CDH9: variants seen among roughly 807,000 people sequenced by gnomAD.
The protein encoded by CDH9 is cadherin 9.
A neutral mutation model predicts 70.9 loss-of-function variants in CDH9; 28 were observed. That is an observed-to-expected ratio of 0.40 (90% CI 0.29 to 0.54). The LOEUF is 0.54. Ranked by LOEUF, CDH9 falls within the 20% of genes least tolerant of loss-of-function variation. The pLI is 0.59. For missense variants in CDH9, 874 were observed against 984.4 expected, an observed-to-expected ratio of 0.89 and a Z score of 1.50; for synonymous variants, 409 against 343.1, an observed-to-expected ratio of 1.19 and a Z score of -2.12.
chr5:27,013,573 T>C (rs1455742249), intron 1 of CDH9, among the ~76,000 whole-genome samples: 2 of 151,898 alleles, frequency 1.3e-5, no homozygotes, highest in Admixed American at 6.6e-5. Flanking sequence ...AGCTTCTCCA[T>C]GATCGTGCCA....
chr5:26,881,287 T>C lies in CDH9; in HGVS notation c.2219A>G (p.Tyr740Cys), dbSNP rs1320968105. The change falls in exon 12 of 12, where the codon TAT (tyrosine) becomes TGT (cysteine). Residue 740 changes from tyrosine (Y) to cysteine (C), a missense_variant. By Grantham distance (194) the Tyr-to-Cys change is radical. Coordinates refer to ENST00000231021, the MANE Select transcript of CDH9 (RefSeq NM_016279.4). Reference protein sequence around the residue: ...PPYDSLATYAYEGNDSIADSL... With the variant: ...PPYDSLATYACEGNDSIADSL... ...ATCTGCTATGGAATCATTCCCTTCA[T>C]AGGCATACGTTGCCAGCGAATCATA... 6.2e-7 allele frequency: 1 copy of C among 1,613,266 alleles called. No homozygotes were observed. Among genetic ancestry groups the C allele is most frequent in the Non-Finnish European group, 8.5e-7 (1 of 1,179,456 alleles).
rs537617066 is a variant in CDH9, at chr5:27,004,975, C to A, written c.-49-16593G>T. 1.8e-4 allele frequency among the ~76,000 whole-genome samples: 27 copies of A among 151,894 alleles called. No individual in the cohort carries two copies. The East Asian group carries it at 4.3e-3, about 24-fold the overall frequency. On this transcript the variant is annotated intron_variant, in intron 1 of 11. Transcript: ENST00000231021. ...CAATTTCAGTATCAATGGAGAGCAA[C>A]AAAATGCAAATGTTAAAATTGAAGT... is the stretch of plus-strand genomic sequence containing the variant.
intron 2 of CDH9, among the ~76,000 whole-genome samples, chr5:26,927,421 CATCCAATGCGGATGCCATTATA>C (rs1454985269): frequency 6.6e-6 from 1 of 151,950 alleles, no homozygotes; most frequent in Non-Finnish European, 1.5e-5. Context: ...ACATAAATGG[CATCCAATGCGGATGCCATTATA>C]ATTAGGATAG....
At chr5:26,893,032 C>T (rs1409052333) in intron 7 of CDH9, among the ~76,000 whole-genome samples, 1 of 152,134 alleles carries the variant, frequency 6.6e-6, no homozygotes. Flanking sequence ...CACACCCTGC[C>T]AGTATTGGCA....
chr5:26,972,110 G>A (rs1016293794), intron 2 of CDH9, among the ~76,000 whole-genome samples: 2 of 152,134 alleles, frequency 1.3e-5, no homozygotes, highest in African/African-American at 4.8e-5. Flanking sequence ...AATCTTTGAG[G>A]AGGATAACAT....
intron 2 of CDH9, among the ~76,000 whole-genome samples, chr5:26,918,625 C>A (rs1020486968): frequency 2.0e-5 from 3 of 152,180 alleles, no homozygotes; most frequent in Non-Finnish European, 4.4e-5. Flanking sequence ...TTGCACACCT[C>A]AGTATGGGTG....
At chr5:27,036,073 A>G (rs989170506) in intron 1 of CDH9, among the ~76,000 whole-genome samples, 16 of 151,850 alleles carry the variant, frequency 1.1e-4, no homozygotes, top group Non-Finnish European at 1.6e-4. Flanking sequence ...TATAATTTGT[A>G]AGCACTCTCT....
At chr5:27,010,584 G>A (rs1381338227) in intron 1 of CDH9, among the ~76,000 whole-genome samples, 3 of 152,052 alleles carry the variant, frequency 2.0e-5, no homozygotes, top group Non-Finnish European at 4.4e-5. Flanking sequence ...CATTTTGCCC[G>A]AAAATCCTAC....
intron 1 of CDH9, among the ~76,000 whole-genome samples, chr5:27,036,800 A>G (rs1157237013): frequency 6.6e-6 from 1 of 151,898 alleles, no homozygotes; most frequent in East Asian, 1.9e-4. Context: ...TATTAAGTGC[A>G]TATAATTATT....
In CDH9 at chr5:27,035,022, CTCTA is replaced by C. The variant is rs529739473; in HGVS notation, c.-50+3437_-50+3440del. ...TCATTGTTTTCAATAATCTATACAA[CTCTA>C]TCTATCTATCTATCTAATCTATCAT... On this transcript the variant is annotated intron_variant, in intron 1 of 11. Coordinates refer to ENST00000231021, the MANE Select transcript of CDH9 (RefSeq NM_016279.4). 2.7e-3 allele frequency among the ~76,000 whole-genome samples: 407 copies of C among 151,190 alleles called. 2 individuals are homozygous for C. Among genetic ancestry groups the C allele is most frequent in the Middle Eastern group, 0.01 (3 of 292 alleles).
intron 1 of CDH9, among the ~76,000 whole-genome samples, chr5:26,992,908 C>T (rs1191725563): frequency 6.6e-6 from 1 of 151,976 alleles, no homozygotes; most frequent in Non-Finnish European, 1.5e-5. Context: ...ACCAGCCTGA[C>T]CAACATGGAG....
chr5:27,002,763 C>T (rs1300526924), intron 1 of CDH9, among the ~76,000 whole-genome samples: 43 of 151,728 alleles, frequency 2.8e-4, no homozygotes, highest in Admixed American at 2.4e-3. Context: ...CATACCAGGG[C>T]CTGTCGTGGG....
At chr5:27,037,543 A>G (rs1743416272) in intron 1 of CDH9, among the ~76,000 whole-genome samples, 1 of 151,974 alleles carries the variant, frequency 6.6e-6, no homozygotes, top group African/African-American at 2.4e-5. Flanking sequence ...AATACTAAAG[A>G]ATTTTGATGA....
intron 1 of CDH9, among the ~76,000 whole-genome samples, chr5:26,989,107 A>G (rs933571915): frequency 6.6e-6 from 1 of 152,100 alleles, no homozygotes; most frequent in African/African-American, 2.4e-5. Context: ...TAAGAAAAAA[A>G]TAGCATTGAA....
chr5:26,891,506 C>T (rs1740659497), intron 7 of CDH9, among the ~76,000 whole-genome samples: 1 of 151,984 alleles, frequency 6.6e-6, no homozygotes, highest in Middle Eastern at 3.4e-3. Flanking sequence ...GGTGAAACCC[C>T]GTCTCTACTA....
rs145162820 is a variant in CDH9 at position 26,895,402 on chromosome 5, T to C, written c.1254-4838A>G. Among the ~76,000 whole-genome samples the C allele has an allele frequency of 5.6e-4, 85 of 152,158 alleles. 1 individual carries two copies. Among genetic ancestry groups the C allele is most frequent in the African/African-American group, 2.0e-3 (83 of 41,570 alleles). The stretch of plus-strand genomic sequence containing the variant: ...AGCAAATATGAGAGAAGCACCACTA[T>C]ACAGGAATGCACTTACACATTTATT... On this transcript the variant is annotated intron_variant, in intron 7 of 11. Transcript: ENST00000231021.
At chr5:26,964,384 G>T (rs1321798689) in intron 2 of CDH9, among the ~76,000 whole-genome samples, 2 of 152,150 alleles carry the variant, frequency 1.3e-5, no homozygotes, top group Non-Finnish European at 2.9e-5. Context: ...TGAATAGAAT[G>T]TAAAATCATA....
intron 3 of CDH9, among the ~76,000 whole-genome samples, chr5:26,911,138 C>T (rs548692823): frequency 6.6e-6 from 1 of 152,224 alleles, no homozygotes; most frequent in South Asian, 2.1e-4. Flanking sequence ...AACTAACTTT[C>T]ACAGAATGCT....
chr5:26,891,949 C>T (rs74646515), intron 7 of CDH9, among the ~76,000 whole-genome samples: 141 of 152,230 alleles, frequency 9.3e-4, no homozygotes, highest in African/African-American at 3.4e-3. Flanking sequence ...CTGTTCACAA[C>T]CTGAATGATC....
Sources: gnomAD v4.1 joint callset for allele counts (sites outside exome capture counted in the v4.1 genomes callset) on GRCh38, gnomAD v4.1.1 for gene constraint, MANE v1.5 for transcripts, NCBI Gene and HGNC (gene_info 2026-07-23, HGNC 2026-07-21) for gene names.